The following CRTAC1 variants were observed in gnomAD, a reference collection of about 807,000 sequenced individuals.
CRTAC1 encodes acidic secreted protein in cartilage.
In CRTAC1, 37 loss-of-function variants were observed where a neutral mutation model predicts 67.8. That is an observed-to-expected ratio of 0.55 (90% CI 0.42 to 0.72). The LOEUF (loss-of-function observed/expected upper bound fraction) is 0.72, where lower values mean the gene tolerates loss of function less well. CRTAC1 is among the 30% of genes least tolerant of loss of function. The probability of loss-of-function intolerance (pLI) is 0.00; values close to 1 mark genes in which losing one functional copy is unlikely to be tolerated. For synonymous variants in CRTAC1, 348 were observed against 371.0 expected (o/e 0.94, Z 0.71); for missense variants, 780 against 931.6 (o/e 0.84, Z 2.12).
chr10:97,867,666 C>G (rs1338186080), intron 14 of CRTAC1: 7 of 152,298 alleles, frequency 4.6e-5, no homozygotes, highest in Admixed American at 2.6e-4. Flanking sequence ...CTGTGCATCT[C>G]CCATGGGAGG....
chr10:97,880,255 A>C lies in CRTAC1; in HGVS notation c.1813T>G (p.Cys605Gly). Reference sequence around the variant, plus strand: ...TGGCTGGGGCCCCACTCACCCACGCAGGCTGTGCCATCCTCGTTGGGCTCG... The same window carrying C: ...TGGCTGGGGCCCCACTCACCCACGCCGGCTGTGCCATCCTCGTTGGGCTCG... The part of the protein sequence containing the change: ...GYEPNEDGTA[C>G]VGTLGQSPGP... Residue 605 changes from cysteine (C) to glycine (G), a missense_variant, in exon 14 of 15, where the codon TGC becomes GGC. Cys to Gly is a radical substitution (Grantham distance 159). Transcript: ENST00000370597. The C allele has an allele frequency of 3.1e-6, 5 of 1,614,150 alleles. No individual in the cohort carries two copies. Among genetic ancestry groups the C allele is most frequent in the African/African-American group, 1.3e-5 (1 of 75,054 alleles).
chr10:97,910,504 G>A (rs1329993170), intron 5 of CRTAC1, among the ~76,000 whole-genome samples: 1 of 152,098 alleles, frequency 6.6e-6, no homozygotes, highest in African/African-American at 2.4e-5. Context: ...TGCTCTAAAG[G>A]GTTGTTTACT....
chr10:98,029,072 T>C lies in CRTAC1; in HGVS notation c.24+1377A>G, dbSNP rs958090110. Among the ~76,000 whole-genome samples, 5 of 152,176 alleles carry C rather than the reference T, an allele frequency of 3.3e-5. No individual in the cohort carries two copies. Among genetic ancestry groups the C allele is most frequent in the Admixed American group, 2.6e-4 (4 of 15,282 alleles). On this transcript the variant is annotated intron_variant, in intron 1 of 14. Coordinates refer to ENST00000370597, the MANE Select transcript of CRTAC1 (RefSeq NM_018058.7). This position sits in a 1 kb window ranked among gnomAD's most constrained non-coding sequence, Gnocchi z 4.7. ...GGACCTACTGCCAGAAGGATGTTCTTAACCAAGTCAGAGAGAGAGAGAGAA... is the reference window on the plus strand; with the variant it reads ...GGACCTACTGCCAGAAGGATGTTCTCAACCAAGTCAGAGAGAGAGAGAGAA...
intron 2 of CRTAC1, among the ~76,000 whole-genome samples, chr10:97,945,876 T>C (rs2051256046): frequency 6.6e-6 from 1 of 152,240 alleles, no homozygotes; most frequent in Non-Finnish European, 1.5e-5. Context: ...GTCTGTGTTC[T>C]GTAAAAACTC....
At chr10:97,920,496 A>C (rs1006186248) in intron 4 of CRTAC1, among the ~76,000 whole-genome samples, 2 of 149,636 alleles carry the variant, frequency 1.3e-5, no homozygotes, top group South Asian at 2.1e-4. Context: ...GCTTGTTAAA[A>C]CACAGATTTT....
intron 7 of CRTAC1, 75 bp downstream of exon 7, chr10:97,904,594 T>C (rs925736152): frequency 1.4e-6 from 2 of 1,421,276 alleles, no homozygotes; most frequent in African/African-American, 1.5e-5. Context: ...CAATTTTTGG[T>C]ATTTTTAGTA....
chr10:97,896,944 G>A lies in CRTAC1; in HGVS notation c.1181C>T (p.Pro394Leu). 6.4e-7 allele frequency: 1 copy of A among 1,561,266 alleles called. No homozygotes were observed. Among genetic ancestry groups the A allele is most frequent in the Non-Finnish European group, 8.7e-7 (1 of 1,151,872 alleles). The change falls in exon 9 of 15, where the codon CCC becomes CTC. Residue 394 changes from proline (P) to leucine (L), a missense_variant. Pro to Leu is a moderately conservative substitution (Grantham distance 98). Transcript: ENST00000370597. ...GCCCTCAGGCTCCAAGGCGTCGCCG[G>A]GATTGAGCTCCTCGATGAGGGGGTC... Reference protein sequence around the residue: ...HGDPLIEELNPGDALEPEGRG... With the variant: ...HGDPLIEELNLGDALEPEGRG...
At chr10:97,999,276 A>T (rs1842643482) in intron 2 of CRTAC1, among the ~76,000 whole-genome samples, 1 of 152,152 alleles carries the variant, frequency 6.6e-6, no homozygotes, top group Non-Finnish European at 1.5e-5. Context: ...GCATCCCTGC[A>T]CTCTTGGGGG....
At chr10:98,001,989 G>C (rs1399447931) in intron 2 of CRTAC1, among the ~76,000 whole-genome samples, 1 of 152,264 alleles carries the variant, frequency 6.6e-6, no homozygotes, top group African/African-American at 2.4e-5. Flanking sequence ...ATATTCCAAA[G>C]AGCAGGGCAA....
chr10:97,935,704 G>A (rs998821282), intron 3 of CRTAC1, among the ~76,000 whole-genome samples: 1 of 152,206 alleles, frequency 6.6e-6, no homozygotes, highest in Admixed American at 6.5e-5. Context: ...GCTCAGCTGA[G>A]AGTAGTGGGG....
chr10:97,868,034 C>T (rs1489241792), intron 14 of CRTAC1: 1 of 152,204 alleles, frequency 6.6e-6, no homozygotes, highest in Non-Finnish European at 1.5e-5. Context: ...GAGCTCTTCC[C>T]CTGGGTTGGG....
intron 11 of CRTAC1, among the ~76,000 whole-genome samples, chr10:97,889,081 G>GGTGGGGCTGGGGCATGTGTGT (rs2050326384): frequency 6.6e-6 from 1 of 151,064 alleles, no homozygotes; most frequent in African/African-American, 2.4e-5. Context: ...GGCATGTGTG[G>GGTGGGGCTGGGGCATGTGTGT]GTGGGGCTGG....
intron 2 of CRTAC1, among the ~76,000 whole-genome samples, chr10:98,007,464 T>C (rs1842814059): frequency 6.6e-6 from 1 of 152,228 alleles, no homozygotes; most frequent in African/African-American, 2.4e-5. Context: ...TCTGATGCGC[T>C]GAGAATTCGC....
intron 2 of CRTAC1, among the ~76,000 whole-genome samples, chr10:97,969,726 C>G (rs906997059): frequency 6.6e-6 from 1 of 152,126 alleles, no homozygotes; most frequent in African/African-American, 2.4e-5. Flanking sequence ...TATCTCCCCA[C>G]CCAGACCTAC....
chr10:97,997,398 AGCCGAGATACT>A (rs1329914233), intron 2 of CRTAC1, among the ~76,000 whole-genome samples: 1 of 144,474 alleles, frequency 6.9e-6, no homozygotes, highest in Non-Finnish European at 1.5e-5. Flanking sequence ...GGTTGCAGTG[AGCCGAGATACT>A]GCCACTGCAC....
intron 2 of CRTAC1, among the ~76,000 whole-genome samples, chr10:97,960,468 C>T (rs1162641109): frequency 1.3e-5 from 2 of 152,188 alleles, no homozygotes; most frequent in African/African-American, 4.8e-5. Context: ...TCCATGATGG[C>T]CTCTCTGTAC....
chr10:97,953,768 CCAAATTCTAGTTT>C (rs2051397454), intron 2 of CRTAC1, among the ~76,000 whole-genome samples: 1 of 152,150 alleles, frequency 6.6e-6, no homozygotes, highest in Non-Finnish European at 1.5e-5. Flanking sequence ...TTTCCTTATT[CCAAATTCTAGTTT>C]CTTTTTACCC....
intron 2 of CRTAC1, among the ~76,000 whole-genome samples, chr10:98,010,366 G>T (rs957591056): frequency 2.6e-5 from 4 of 152,174 alleles, no homozygotes; most frequent in Non-Finnish European, 5.9e-5. Context: ...TATCAATGGT[G>T]ATTGGCAGAA....
intron 2 of CRTAC1, among the ~76,000 whole-genome samples, chr10:97,971,500 G>A (rs1022957443): frequency 3.3e-5 from 5 of 152,180 alleles, no homozygotes; most frequent in Non-Finnish European, 7.3e-5. Flanking sequence ...AGGGGCCGGC[G>A]CGAGGAGAGA....
Sources: gnomAD v4.1 joint callset for allele counts (sites outside exome capture counted in the v4.1 genomes callset) on GRCh38, gnomAD v4.1.1 for gene constraint, Gnocchi (gnomAD v3.1) non-coding constraint, MANE v1.5 for transcripts, NCBI Gene and HGNC (gene_info 2026-07-23, HGNC 2026-07-21) for gene names.